The following JPT2 variants were observed in gnomAD, a reference collection of about 807,000 sequenced individuals.
JPT2 encodes the protein Jupiter microtubule associated homolog 2.
JPT2 carries 9 observed loss-of-function variants against 15.9 expected under a neutral mutation model. The observed-to-expected ratio is 0.57, with a 90% CI of 0.34 to 0.99. JPT2 has a LOEUF of 0.99. JPT2 is among the 50% of genes least tolerant of loss of function. The probability of loss-of-function intolerance (pLI) is 0.02; values close to 1 mark genes in which losing one functional copy is unlikely to be tolerated. For missense variants in JPT2, 267 were observed against 252.1 expected (o/e 1.06, Z -0.40); for synonymous variants, 95 against 91.7 (o/e 1.04, Z -0.21).
At chr16:1,697,967 G>A in intron 4 of JPT2, 107 bp downstream of exon 4, 3 of 989,264 alleles carry the variant, frequency 3.0e-6, no homozygotes, top group Non-Finnish European at 4.7e-6. Context: ...GCACCTTCTG[G>A]GCCACCTGAT....
chr16:1,685,700 T>C, intron 2 of JPT2, 113 bp downstream of exon 2: 1 of 1,154,966 alleles, frequency 8.7e-7, no homozygotes, highest in East Asian at 2.4e-5. Context: ...GGTAATCACT[T>C]GTTATCAGAG....
In JPT2 at chr16:1,698,934, G is replaced by A. The variant is rs774540022; in HGVS notation, c.509G>A (p.Arg170Gln). Residue 170 changes from arginine (R) to glutamine (Q), a missense_variant, in exon 5 of 5, where the codon CGG becomes CAG. By Grantham distance (43) the Arg-to-Gln change is conservative (BLOSUM62 1). Transcript: ENST00000248098. The surrounding 1 kb of genome is among the most constrained non-coding windows in gnomAD (Gnocchi z 4.9). ...VDSHEPRLGP[R>Q]PRSHNKVLNP... is the part of the protein sequence containing the mutation. The stretch of plus-strand genomic sequence containing the variant: ...AGCCATGAGCCCCGGCTGGGGCCGC[G>A]GCCTCGCTCTCACAACAAGGTCCTG... 8 of 1,614,182 alleles carry A rather than the reference G, an allele frequency of 5.0e-6. No homozygotes were observed. Among genetic ancestry groups the A allele is most frequent in the Non-Finnish European group, 6.8e-6 (8 of 1,180,046 alleles).
In JPT2 at chr16:1,699,841, C is replaced by T. The variant is rs556601937; in HGVS notation, c.*843C>T. On this transcript the variant is annotated 3_prime_UTR_variant, in exon 5 of 5. Transcript: ENST00000248098. ...CACAGTTCTTCCCATAAATGAGGCC[C>T]GCTGACCTCTGCGGGACTTTAAAAA... The T allele has an allele frequency of 1.6e-4, 44 of 269,078 alleles. No homozygotes were observed. Among genetic ancestry groups the T allele is most frequent in the South Asian group, 8.9e-4 (23 of 25,856 alleles). 16.7% of individuals were successfully genotyped at this position (269,078 alleles called of 1,614,324 possible). A position where few individuals can be genotyped will look rare whatever the true frequency, so the allele number is the denominator to read the frequency against.
At chr16:1,693,586 G>A (rs1041695716) in intron 3 of JPT2, among the ~76,000 whole-genome samples, 21 of 152,124 alleles carry the variant, frequency 1.4e-4, no homozygotes, top group African/African-American at 4.3e-4. Flanking sequence ...TCCAGTGAAC[G>A]TAGATCAGGT....
chr16:1,700,168 A>G lies in JPT2; in HGVS notation c.*1170A>G, dbSNP rs1372233861. The G allele has an allele frequency of 6.6e-6, 3 of 456,030 alleles. No homozygotes were observed. In the Admixed American group the frequency reaches 7.0e-5, roughly 11 times the overall value. The allele number at this position is 456,030 out of a possible 1,614,324, so 28.2% of individuals were successfully genotyped here. A position where few individuals can be genotyped will look rare whatever the true frequency, so the allele number is the denominator to read the frequency against. The stretch of plus-strand genomic sequence containing the variant: ...ATAGAACTTCTGGATCTAACTCACA[A>G]ACAAGCTTCCAGAAGAGACTAGAGA... On this transcript the variant is annotated 3_prime_UTR_variant, in exon 5 of 5. Coordinates refer to ENST00000248098, the MANE Select transcript of JPT2 (RefSeq NM_144570.3).
chr16:1,695,787 C>T (rs974436441), intron 3 of JPT2, among the ~76,000 whole-genome samples: 10 of 151,986 alleles, frequency 6.6e-5, no homozygotes, highest in African/African-American at 2.4e-4. Flanking sequence ...GGGAGGATCA[C>T]TTGAGCCCAG....
In JPT2 at chr16:1,699,086, G is replaced by T. The variant is rs1353296235; in HGVS notation, c.*88G>T. 1 of 1,366,602 alleles carries T rather than the reference G, an allele frequency of 7.3e-7. No homozygotes were observed. Among genetic ancestry groups the T allele is most frequent in the Admixed American group, 1.7e-5 (1 of 58,896 alleles). The allele number at this position is 1,366,602 out of a possible 1,614,324, so 84.7% of individuals were successfully genotyped here. On this transcript the variant is annotated 3_prime_UTR_variant, in exon 5 of 5. Transcript: ENST00000248098. Reference sequence around the variant, plus strand: ...CATTTCCTTTTGCCCAAATGAGCGGGGTGGGAAGAGGGTTAGTCTTATGTG... The same window carrying T: ...CATTTCCTTTTGCCCAAATGAGCGGTGTGGGAAGAGGGTTAGTCTTATGTG...
rs764264367 is a variant in JPT2 at position 1,685,470 on chromosome 16, A to C, written c.76A>C (p.Asn26His). 6.2e-7 allele frequency: 1 copy of C among 1,614,220 alleles called. No homozygotes were observed. The highest frequency in any genetic ancestry group is 1.7e-5 in the Admixed American group (1 of 60,020). ...AMKPPGGESS[N>H]LFGSPEEATP... Reference sequence around the variant, plus strand: ...GAAGCCCCCAGGAGGAGAATCGAGCAATCTTTTTGGAAGTCCAGAAGAAGC... The same window carrying C: ...GAAGCCCCCAGGAGGAGAATCGAGCCATCTTTTTGGAAGTCCAGAAGAAGC... Residue 26 changes from asparagine to histidine, a missense_variant, in exon 2 of 5, where the codon AAT becomes CAT. Asn to His is a moderately conservative substitution (Grantham distance 68). Coordinates refer to ENST00000248098, the MANE Select transcript of JPT2 (RefSeq NM_144570.3).
intron 2 of JPT2, chr16:1,688,485 C>G (rs1339761837): frequency 6.6e-6 from 1 of 152,194 alleles, no homozygotes. Context: ...TAGATAGTTC[C>G]AACCGGTTTT....
chr16:1,679,112 G>A (rs2036999456), intron 1 of JPT2, among the ~76,000 whole-genome samples: 1 of 152,216 alleles, frequency 6.6e-6, no homozygotes, highest in Non-Finnish European at 1.5e-5. Flanking sequence ...CACTCTTTGG[G>A]TATTGGGACT....
chr16:1,695,369 C>T (rs1337068553), intron 3 of JPT2, among the ~76,000 whole-genome samples: 1 of 150,586 alleles, frequency 6.6e-6, no homozygotes, highest in East Asian at 2.0e-4. Flanking sequence ...CGTGCTATTG[C>T]ACTCCAGCCT....
At chr16:1,697,885 C>T (rs1699654748) in intron 4 of JPT2, 25 bp downstream of exon 4, 12 of 1,604,460 alleles carry the variant, frequency 7.5e-6, no homozygotes, top group East Asian at 2.2e-5. Flanking sequence ...TCTTTCCCTT[C>T]TCCTGAGTGG....
chr16:1,681,937 A>G (rs1239126705), intron 1 of JPT2, among the ~76,000 whole-genome samples: 1 of 152,244 alleles, frequency 6.6e-6, no homozygotes, highest in Non-Finnish European at 1.5e-5. Context: ...ATAAGTCAGT[A>G]AAAGGAATTA....
At position 1,699,132 on chromosome 16, in the gene JPT2, C is replaced by T. The variant is rs1432107842; in HGVS notation, c.*134C>T. The T allele has an allele frequency of 1.1e-6, 1 of 932,222 alleles. No individual in the cohort carries two copies. The highest frequency in any genetic ancestry group is 1.7e-6 in the Non-Finnish European group (1 of 589,180). 57.7% of individuals were successfully genotyped at this position (932,222 alleles called of 1,614,324 possible). On this transcript the variant is annotated 3_prime_UTR_variant, in exon 5 of 5. Transcript: ENST00000248098. ...ATGTGAGCCTGGCTGCTCAGCGTCT[C>T]CTGGCCGTCATGACAGCTGCTTGGA...
chr16:1,681,151 G>A (rs1384342876), intron 1 of JPT2, among the ~76,000 whole-genome samples: 1 of 152,160 alleles, frequency 6.6e-6, no homozygotes, highest in African/African-American at 2.4e-5. Flanking sequence ...TGTCATAGTG[G>A]TAAGTGCCTG....
At chr16:1,679,325 C>T (rs1382145045) in intron 1 of JPT2, among the ~76,000 whole-genome samples, 4 of 152,172 alleles carry the variant, frequency 2.6e-5, no homozygotes, top group Non-Finnish European at 4.4e-5. Context: ...AGCCTTTTGG[C>T]TATGATCAAG....
At chr16:1,685,695 T>C (rs1469722753) in intron 2 of JPT2, 108 bp downstream of exon 2, 1 of 1,173,730 alleles carries the variant, frequency 8.5e-7, no homozygotes, top group African/African-American at 1.6e-5. Context: ...GTTCAGGTAA[T>C]CACTTGTTAT....
chr16:1,692,222 G>A, intron 3 of JPT2: 4 of 562,752 alleles, frequency 7.1e-6, no homozygotes, highest in Non-Finnish European at 9.3e-6. Context: ...GGTGGCGGAC[G>A]CCCACTGCAG....
intron 3 of JPT2, among the ~76,000 whole-genome samples, chr16:1,694,514 G>C (rs1274073936): frequency 6.6e-6 from 1 of 152,168 alleles, no homozygotes; most frequent in African/African-American, 2.4e-5. Flanking sequence ...GAATTTCATG[G>C]TACCCCAAGT....
Sources: gnomAD v4.1 joint callset for allele counts (sites outside exome capture counted in the v4.1 genomes callset) on GRCh38, gnomAD v4.1.1 for gene constraint, Gnocchi (gnomAD v3.1) non-coding constraint, MANE v1.5 for transcripts, NCBI Gene and HGNC (gene_info 2026-07-23, HGNC 2026-07-21) for gene names.